Variants in HOXA11 observed in about 807,000 individuals in gnomAD.
HOXA11 encodes the protein homeobox protein Hox-A11.
In HOXA11, 8 loss-of-function variants were observed where a neutral mutation model predicts 22.5. The ratio of observed to expected loss-of-function variants is 0.36; its 90% CI spans 0.21 to 0.64. The LOEUF (loss-of-function observed/expected upper bound fraction) is 0.64, where lower values mean the gene tolerates loss of function less well. Ranked by LOEUF, HOXA11 falls within the 30% of genes least tolerant of loss-of-function variation. The pLI is 0.67. For missense variants in HOXA11, 388 were observed against 429.0 expected (o/e 0.90, Z 0.84); for synonymous variants, 211 against 188.4 (o/e 1.12, Z -0.98).
chr7:27,184,724 C>T lies in HOXA11; in HGVS notation c.421G>A (p.Asp141Asn). 6.2e-7 allele frequency: 1 copy of T among 1,613,758 alleles called. No individual in the cohort carries two copies. Among genetic ancestry groups the T allele is most frequent in the South Asian group, 1.1e-5 (1 of 91,072 alleles). The change falls in exon 1 of 2, where the codon GAC (aspartate) becomes AAC (asparagine). Residue 141 changes from aspartate (D) to asparagine (N), a missense_variant. Coordinates refer to ENST00000006015, the MANE Select transcript of HOXA11 (RefSeq NM_005523.6). ...GRNGVLPQAF[D>N]QFFETAYGTP... The stretch of plus-strand genomic sequence containing the variant: ...CCGTAGGCTGTCTCGAAAAACTGGT[C>T]GAAAGCCTGTGGCAGGACGCCGTTC...
chr7:27,181,445 CCT>C lies in HOXA11; in HGVS notation c.*1349_*1350del, dbSNP rs1491384317. 6 of 149,010 alleles carry C rather than the reference CCT, an allele frequency of 4.0e-5. No homozygotes were observed. Among genetic ancestry groups the C allele is most frequent in the East Asian group, 8.6e-5 (1 of 11,628 alleles). 9.2% of individuals were successfully genotyped at this position (149,010 alleles called of 1,614,324 possible). On this transcript the variant is annotated 3_prime_UTR_variant, in exon 2 of 2. Transcript: ENST00000006015. ...ACCATTCTCAATACCTTTTCCACCCCCTCCAACACCCTAAAGGAAATCAACTA... is the reference window on the plus strand; with the variant it reads ...ACCATTCTCAATACCTTTTCCACCCCCCAACACCCTAAAGGAAATCAACTA...
Position 27,182,712 on chromosome 7 carries a change from A to G in HOXA11, c.*84T>C. 1 of 876,644 alleles carries G rather than the reference A, an allele frequency of 1.1e-6. No individual in the cohort carries two copies. Among genetic ancestry groups the G allele is most frequent in the Non-Finnish European group, 2.0e-6 (1 of 508,372 alleles). The allele number at this position is 876,644 out of a possible 1,614,324, so 54.3% of individuals were successfully genotyped here. A position where few individuals can be genotyped will look rare whatever the true frequency, so the allele number is the denominator to read the frequency against. On this transcript the variant is annotated 3_prime_UTR_variant, in exon 2 of 2. Transcript: ENST00000006015. Reference sequence around the variant, plus strand: ...TGCACACCTCTTTTCAAAAGTCACCATGTGGCTTGACTTTGTCAAGGGCAA... The same window carrying G: ...TGCACACCTCTTTTCAAAAGTCACCGTGTGGCTTGACTTTGTCAAGGGCAA...
At position 27,184,407 on chromosome 7, in the gene HOXA11, A is replaced by G. The variant is rs954462415; in HGVS notation, c.709+29T>C. 12 of 1,569,998 alleles carry G rather than the reference A, an allele frequency of 7.6e-6. No homozygotes were observed. In the African/African-American group the frequency reaches 1.5e-4, roughly 20 times the overall value. On this transcript the variant is annotated intron_variant, in intron 1 of 1. Transcript: ENST00000006015. Reference sequence around the variant, plus strand: ...GCTAGATTTCCAACTCCCCTTTCATAAAGCGCAGGGCGCTGCCTTTATACG... The same window carrying G: ...GCTAGATTTCCAACTCCCCTTTCATGAAGCGCAGGGCGCTGCCTTTATACG...
At chr7:27,184,305 T>G in intron 1 of HOXA11, 131 bp downstream of exon 1, 1 of 874,848 alleles carries the variant, frequency 1.1e-6, no homozygotes, top group Non-Finnish European at 1.7e-6. Context: ...CAAAGTTTTG[T>G]TGGGGGAAAC....
In HOXA11 at chr7:27,181,246, C is replaced by G. The variant is rs1312214452; in HGVS notation, c.*1550G>C. 6.6e-6 allele frequency among the ~76,000 whole-genome samples: 1 copy of G among 152,196 alleles called. No individual in the cohort carries two copies. The highest frequency in any genetic ancestry group is 1.9e-4 in the East Asian group (1 of 5,200). ...GGTGGGTAAGAACCAGAATTGAGGACAGGCCAACACTCCCAGTACAAATGG... is the reference window on the plus strand; with the variant it reads ...GGTGGGTAAGAACCAGAATTGAGGAGAGGCCAACACTCCCAGTACAAATGG... On this transcript the variant is annotated 3_prime_UTR_variant, in exon 2 of 2. Coordinates refer to ENST00000006015, the MANE Select transcript of HOXA11 (RefSeq NM_005523.6).
At position 27,182,841 on chromosome 7, in the gene HOXA11, A is replaced by T; in HGVS notation, c.897T>A (p.Ile299=). 1 of 1,613,736 alleles carries T rather than the reference A, an allele frequency of 6.2e-7. No homozygotes were observed. Among genetic ancestry groups the T allele is most frequent in the Non-Finnish European group, 8.5e-7 (1 of 1,179,730 alleles). ...FQNRRMKEKK[I]NRDRLQYYSA... is the part of the protein sequence containing the mutation. The stretch of plus-strand genomic sequence containing the variant: ...AGTAGTACTGTAAACGGTCTCTGTT[A>T]ATTTTTTTTTCCTTCATTCTCCTGT... The change falls in exon 2 of 2, where the codon ATT becomes ATA. Residue 299 remains isoleucine (I), a synonymous_variant. Transcript: ENST00000006015.
In HOXA11 at chr7:27,184,777, G is replaced by A. The variant is rs952479268; in HGVS notation, c.368C>T (p.Ser123Leu). 6.2e-7 allele frequency: 1 copy of A among 1,613,950 alleles called. No homozygotes were observed. Among genetic ancestry groups the A allele is most frequent in the Non-Finnish European group, 8.5e-7 (1 of 1,179,956 alleles). ...GCCCACGGTGCTATAGAAATTGGACGAGACTGCGGGGGTGGGGTGGTGGTA... is the reference window on the plus strand; with the variant it reads ...GCCCACGGTGCTATAGAAATTGGACAAGACTGCGGGGGTGGGGTGGTGGTA... ...NVYHHPTPAV[S>L]SNFYSTVGRN... The change falls in exon 1 of 2, where the codon TCG becomes TTG. Residue 123 changes from serine to leucine, a missense_variant. Ser to Leu is a moderately radical substitution (Grantham distance 145). Around this residue, in one of 4 missense-constraint regions of HOXA11, gnomAD observed 295 missense variants for 281.1 expected, o/e 1.05. Transcript: ENST00000006015.
chr7:27,183,380 TAAAC>T (rs933145812), intron 1 of HOXA11, among the ~76,000 whole-genome samples: 1 of 152,216 alleles, frequency 6.6e-6, no homozygotes, highest in African/African-American at 2.4e-5. Flanking sequence ...CAGGCCAGAC[TAAAC>T]AAACAGCCGC....
rs1783778650 is a variant in HOXA11 at position 27,182,085 on chromosome 7, G to C, written c.*711C>G. 1 of 235,944 alleles carries C rather than the reference G, an allele frequency of 4.2e-6. No individual in the cohort carries two copies. The highest frequency in any genetic ancestry group is 2.2e-5 in the African/African-American group (1 of 45,332). 14.6% of individuals were successfully genotyped at this position (235,944 alleles called of 1,614,324 possible). A position where few individuals can be genotyped will look rare whatever the true frequency, so the allele number is the denominator to read the frequency against. On this transcript the variant is annotated 3_prime_UTR_variant, in exon 2 of 2. Coordinates refer to ENST00000006015, the MANE Select transcript of HOXA11 (RefSeq NM_005523.6). ...CACTCTGTGTCGAGGCTTTGGGCCTGAGTGGCAGGCTGGAACCAAGACCCT... is the reference window on the plus strand; with the variant it reads ...CACTCTGTGTCGAGGCTTTGGGCCTCAGTGGCAGGCTGGAACCAAGACCCT...
rs1403212211 is a variant in HOXA11 at position 27,184,557 on chromosome 7, G to A, written c.588C>T (p.Gly196=). 1.3e-6 allele frequency: 2 copies of A among 1,497,372 alleles called. No homozygotes were observed. Among genetic ancestry groups the A allele is most frequent in the Non-Finnish European group, 1.8e-6 (2 of 1,121,014 alleles). The allele number at this position is 1,497,372 out of a possible 1,614,324, so 92.8% of individuals were successfully genotyped here. The part of the protein sequence containing the change: ...APATSSSDSG[G]GGGCRETAAA... ...CCGCCGTCTCCCGGCAGCCGCCGCCGCCGCCGCTGTCCGAACTTGAAGTTG... is the reference window on the plus strand; with the variant it reads ...CCGCCGTCTCCCGGCAGCCGCCGCCACCGCCGCTGTCCGAACTTGAAGTTG... The change falls in exon 1 of 2, where the codon GGC becomes GGT. Residue 196 remains glycine (G), a synonymous_variant. Coordinates refer to ENST00000006015, the MANE Select transcript of HOXA11 (RefSeq NM_005523.6).
In HOXA11 at chr7:27,182,756, T is replaced by C. The variant is rs766487741; in HGVS notation, c.*40A>G. Reference sequence around the variant, plus strand: ...AGGGCAAAATCTGCATATTATCTCATGTGTATGAAGCCCCCCACCCAATTC... The same window carrying C: ...AGGGCAAAATCTGCATATTATCTCACGTGTATGAAGCCCCCCACCCAATTC... On this transcript the variant is annotated 3_prime_UTR_variant, in exon 2 of 2. Transcript: ENST00000006015. 6.5e-6 allele frequency: 8 copies of C among 1,238,788 alleles called. No homozygotes were observed. The highest frequency in any genetic ancestry group is 1.7e-5 in the Admixed American group (1 of 59,558). The allele number at this position is 1,238,788 out of a possible 1,614,324, so 76.7% of individuals were successfully genotyped here. A position where few individuals can be genotyped will look rare whatever the true frequency, so the allele number is the denominator to read the frequency against.
chr7:27,184,626 C>T lies in HOXA11; in HGVS notation c.519G>A (p.Thr173=). Residue 173 remains threonine, a synonymous_variant, in exon 1 of 2, where the codon ACG becomes ACA. Transcript: ENST00000006015. ...KSAEKGPPAA[T]ATSAAAAAAA... Reference sequence around the variant, plus strand: ...CCGCCGCCGCCGCCGCGGAGGTCGCCGTGGCCGCCGGGGGCCCCTTCTCGG... The same window carrying T: ...CCGCCGCCGCCGCCGCGGAGGTCGCTGTGGCCGCCGGGGGCCCCTTCTCGG... 6.5e-7 allele frequency: 1 copy of T among 1,545,720 alleles called. No individual in the cohort carries two copies. Among genetic ancestry groups the T allele is most frequent in the Non-Finnish European group, 8.7e-7 (1 of 1,148,726 alleles).
chr7:27,184,354 G>T lies in HOXA11; in HGVS notation c.709+82C>A, dbSNP rs1181099388. ...ATAAACCTTATATGCTTATAAAACAGCATATAAAAATTTAACAGCGGTGCT... is the reference window on the plus strand; with the variant it reads ...ATAAACCTTATATGCTTATAAAACATCATATAAAAATTTAACAGCGGTGCT... On this transcript the variant is annotated intron_variant, in intron 1 of 1. Coordinates refer to ENST00000006015, the MANE Select transcript of HOXA11 (RefSeq NM_005523.6). 3.7e-6 allele frequency: 5 copies of T among 1,345,546 alleles called. No individual in the cohort carries two copies. In the East Asian group the frequency reaches 7.8e-5, roughly 21 times the overall value. The allele number at this position is 1,345,546 out of a possible 1,614,324, so 83.4% of individuals were successfully genotyped here. A position where few individuals can be genotyped will look rare whatever the true frequency, so the allele number is the denominator to read the frequency against.
In HOXA11 at chr7:27,184,530, C is replaced by T. The variant is rs757627620; in HGVS notation, c.615G>A (p.Ala205=). 14 of 1,504,700 alleles carry T rather than the reference C, an allele frequency of 9.3e-6. No homozygotes were observed. Among genetic ancestry groups the T allele is most frequent in the Non-Finnish European group, 1.2e-5 (14 of 1,123,820 alleles). The allele number at this position is 1,504,700 out of a possible 1,614,324, so 93.2% of individuals were successfully genotyped here. The part of the protein sequence containing the change: ...GGGGGCRETA[A]AAEEKERRRR... ...GCCGCCGCTCTTTCTCCTCTGCTGC[C>T]GCCGCCGTCTCCCGGCAGCCGCCGC... is the stretch of plus-strand genomic sequence containing the variant. The change falls in exon 1 of 2, where the codon GCG becomes GCA. Residue 205 remains alanine (A), a synonymous_variant. Coordinates refer to ENST00000006015, the MANE Select transcript of HOXA11 (RefSeq NM_005523.6).
In HOXA11 at chr7:27,184,582, G is replaced by T; in HGVS notation, c.563C>A (p.Ala188Glu). The change falls in exon 1 of 2, where the codon GCA becomes GAA. Residue 188 changes from alanine to glutamate, a missense_variant. Physicochemically the swap from Ala to Glu is moderately radical, Grantham distance 107. This residue lies in a region of HOXA11 where 295 missense variants were observed against 281.1 expected (regional missense o/e 1.05). Coordinates refer to ENST00000006015, the MANE Select transcript of HOXA11 (RefSeq NM_005523.6). ...AAAAAATGAP[A>E]TSSSDSGGGG... ...GCCGCCGCTGTCCGAACTTGAAGTT[G>T]CCGGCGCGCCCGTTGCAGCCGCCGC... 6.7e-7 allele frequency: 1 copy of T among 1,496,264 alleles called. No individual in the cohort carries two copies. Among genetic ancestry groups the T allele is most frequent in the Non-Finnish European group, 8.9e-7 (1 of 1,120,870 alleles). The allele number at this position is 1,496,264 out of a possible 1,614,324, so 92.7% of individuals were successfully genotyped here.
chr7:27,183,794 A>T (rs935832097), intron 1 of HOXA11, among the ~76,000 whole-genome samples: 12 of 152,014 alleles, frequency 7.9e-5, no homozygotes, highest in Non-Finnish European at 1.5e-4. Context: ...ACAAAAAAAA[A>T]ATCGCTTTTG....
chr7:27,183,883 G>A (rs906835875), intron 1 of HOXA11, among the ~76,000 whole-genome samples: 32 of 152,040 alleles, frequency 2.1e-4, no homozygotes, highest in South Asian at 2.1e-4. Flanking sequence ...AGAGGAAAAT[G>A]GCTTCCTTTG....
chr7:27,183,808 G>T (rs990418756), intron 1 of HOXA11, among the ~76,000 whole-genome samples: 16 of 139,910 alleles, frequency 1.1e-4, no homozygotes, highest in Admixed American at 1.1e-3. Flanking sequence ...GCTTTTGACA[G>T]ATTGAATAAC....
At position 27,182,716 on chromosome 7, in the gene HOXA11, G is replaced by A. The variant is rs1418790523; in HGVS notation, c.*80C>T. 3 of 900,114 alleles carry A rather than the reference G, an allele frequency of 3.3e-6. No homozygotes were observed. The highest frequency in any genetic ancestry group is 1.6e-5 in the African/African-American group (1 of 61,212). The allele number at this position is 900,114 out of a possible 1,614,324, so 55.8% of individuals were successfully genotyped here. On this transcript the variant is annotated 3_prime_UTR_variant, in exon 2 of 2. Coordinates refer to ENST00000006015, the MANE Select transcript of HOXA11 (RefSeq NM_005523.6). ...CACCTCTTTTCAAAAGTCACCATGT[G>A]GCTTGACTTTGTCAAGGGCAAAATC...
Sources: gnomAD v4.1 joint callset for allele counts (sites outside exome capture counted in the v4.1 genomes callset) on GRCh38, gnomAD v4.1.1 for gene constraint, gnomAD v4.1.1 regional missense constraint, MANE v1.5 for transcripts, NCBI Gene and HGNC (gene_info 2026-07-23, HGNC 2026-07-21) for gene names.